The following ARSB variants were observed in gnomAD, a reference collection of about 807,000 sequenced individuals.
ARSB encodes the protein arylsulfatase B.
A neutral mutation model predicts 50.9 loss-of-function variants in ARSB; 41 were observed. That is an observed-to-expected ratio of 0.81 (90% CI 0.63 to 1.04). ARSB has a LOEUF of 1.04. Ranked by LOEUF, ARSB falls within the 50% of genes least tolerant of loss-of-function variation. The pLI, the probability that ARSB is intolerant of heterozygous loss-of-function variation, is 0.00. For synonymous variants in ARSB, 269 were observed against 284.8 expected (o/e 0.94, Z 0.56); for missense variants, 672 against 693.3 (o/e 0.97, Z 0.35).
At chr5:78,889,971 A>C (rs765650385) in intron 4 of ARSB, among the ~76,000 whole-genome samples, 6 of 152,220 alleles carry the variant, frequency 3.9e-5, no homozygotes, top group Non-Finnish European at 7.3e-5. Context: ...AAGCCTGGAC[A>C]TCTCTTTGAA....
intron 6 of ARSB, among the ~76,000 whole-genome samples, chr5:78,813,949 A>G (rs548598386): frequency 2.0e-5 from 3 of 152,360 alleles, no homozygotes; most frequent in Admixed American, 6.5e-5. Flanking sequence ...TGAGTGAAAG[A>G]AAAAGAACTA....
intron 6 of ARSB, among the ~76,000 whole-genome samples, chr5:78,819,575 C>T (rs932289703): frequency 2.0e-5 from 3 of 152,260 alleles, no homozygotes; most frequent in South Asian, 2.1e-4. Flanking sequence ...AATCACTCAG[C>T]ACACTTCAAA....
intron 4 of ARSB, among the ~76,000 whole-genome samples, chr5:78,948,300 T>C (rs1429214151): frequency 6.6e-6 from 1 of 152,200 alleles, no homozygotes; most frequent in Non-Finnish European, 1.5e-5. Flanking sequence ...TTAATTGGAA[T>C]GTTGGTAACA....
chr5:78,832,480 A>G (rs1363550922), intron 6 of ARSB, among the ~76,000 whole-genome samples: 2 of 152,166 alleles, frequency 1.3e-5, no homozygotes, highest in East Asian at 3.8e-4. Context: ...CCAGGCCATC[A>G]TCGTTTATTT....
intron 5 of ARSB, among the ~76,000 whole-genome samples, chr5:78,852,929 T>A (rs1745907730): frequency 6.6e-6 from 1 of 152,236 alleles, no homozygotes; most frequent in South Asian, 2.1e-4. Flanking sequence ...AGCACTTCTC[T>A]GTATTGGTTA....
At chr5:78,826,269 AC>A (rs918580697) in intron 6 of ARSB, among the ~76,000 whole-genome samples, 2 of 151,774 alleles carry the variant, frequency 1.3e-5, no homozygotes, top group Non-Finnish European at 1.5e-5. Context: ...CTGGTCTTAA[AC>A]CCCTGACCTT....
intron 7 of ARSB, among the ~76,000 whole-genome samples, chr5:78,781,357 C>T (rs1358995614): frequency 2.1e-5 from 2 of 97,528 alleles, no homozygotes; most frequent in Non-Finnish European, 1.8e-5. Flanking sequence ...TTGGTTAGGA[C>T]GAGTAGGTTA....
Position 78,985,129 on chromosome 5 carries a change from C to A in ARSB, c.120G>T (p.Gly40=), listed in dbSNP as rs1200003501. The change falls in exon 1 of 8, where the codon GGG becomes GGT. Residue 40 remains glycine (G), a synonymous_variant. Coordinates refer to ENST00000264914, the MANE Select transcript of ARSB (RefSeq NM_000046.5). The stretch of plus-strand genomic sequence containing the variant: ...AGACCAGGTGGGGCGGCCGGCTGGC[C>A]CCGGCGCCCGAGCCCGGCGGCGCCA... ...LLLAPPGSGA[G]ASRPPHLVFL... The A allele has an allele frequency of 1.4e-6, 2 of 1,471,554 alleles. No homozygotes were observed. Among genetic ancestry groups the A allele is most frequent in the Non-Finnish European group, 1.8e-6 (2 of 1,110,334 alleles). The allele number at this position is 1,471,554 out of a possible 1,614,324, so 91.2% of individuals were successfully genotyped here. A position where few individuals can be genotyped will look rare whatever the true frequency, so the allele number is the denominator to read the frequency against.
chr5:78,952,227 C>T lies in ARSB; in HGVS notation c.898+3068G>A, dbSNP rs371721661. Among the ~76,000 whole-genome samples, 16 of 152,238 alleles carry T rather than the reference C, an allele frequency of 1.1e-4. No individual in the cohort carries two copies. The East Asian group carries it at 1.5e-3, about 15-fold the overall frequency. ...CTGTTTGAAAGTACAATTATACATACACATTTGCAATCATATAATAAAGGA... is the reference window on the plus strand; with the variant it reads ...CTGTTTGAAAGTACAATTATACATATACATTTGCAATCATATAATAAAGGA... On this transcript the variant is annotated intron_variant, in intron 4 of 7. Coordinates refer to ENST00000264914, the MANE Select transcript of ARSB (RefSeq NM_000046.5).
At chr5:78,827,303 G>A (rs748110531) in intron 6 of ARSB, among the ~76,000 whole-genome samples, 6 of 152,022 alleles carry the variant, frequency 3.9e-5, no homozygotes, top group East Asian at 3.9e-4. Context: ...CTGCCTCCCC[G>A]GTTCAAGCAA....
At chr5:78,940,708 T>A (rs1750871946) in intron 4 of ARSB, among the ~76,000 whole-genome samples, 1 of 152,226 alleles carries the variant, frequency 6.6e-6, no homozygotes, top group African/African-American at 2.4e-5. Context: ...TAGTTTGAAG[T>A]CAGGTAGTGT....
At chr5:78,879,929 C>G (rs1384779514) in intron 5 of ARSB, among the ~76,000 whole-genome samples, 3 of 151,532 alleles carry the variant, frequency 2.0e-5, no homozygotes, top group African/African-American at 7.3e-5. Context: ...TTCCAGAAAA[C>G]AAGTCTTGAA....
intron 6 of ARSB, among the ~76,000 whole-genome samples, chr5:78,783,143 A>G (rs186842549): frequency 6.6e-6 from 1 of 152,266 alleles, no homozygotes; most frequent in Admixed American, 6.5e-5. Context: ...AGCTTTTCAA[A>G]TATGGTCACA....
At chr5:78,972,544 C>CACACACACACACACACA (rs1554088554) in intron 1 of ARSB, among the ~76,000 whole-genome samples, 2 of 147,520 alleles carry the variant, frequency 1.4e-5, no homozygotes, top group African/African-American at 5.2e-5. Context: ...CACACACACA[C>CACACACACACACACACA]CCCAAATCAA....
chr5:78,975,523 C>G (rs1752627215), intron 1 of ARSB, among the ~76,000 whole-genome samples: 2 of 152,148 alleles, frequency 1.3e-5, no homozygotes, highest in African/African-American at 4.8e-5. Context: ...TTCATTGCTT[C>G]TATTCTGTGC....
At position 78,780,318 on chromosome 5, in the gene ARSB, T is replaced by A; in HGVS notation, c.*79A>T. 6.2e-7 allele frequency: 1 copy of A among 1,602,246 alleles called. No homozygotes were observed. The highest frequency in any genetic ancestry group is 8.5e-7 in the Non-Finnish European group (1 of 1,172,502). On this transcript the variant is annotated 3_prime_UTR_variant, in exon 8 of 8. Transcript: ENST00000264914. ...AGGGCCAAGTGAACCCAGGTTGGGATAACAAATGAGACAAGAGTCGTGAGA... is the reference window on the plus strand; with the variant it reads ...AGGGCCAAGTGAACCCAGGTTGGGAAAACAAATGAGACAAGAGTCGTGAGA...
intron 4 of ARSB, among the ~76,000 whole-genome samples, chr5:78,913,757 A>C (rs1749416462): frequency 6.6e-6 from 1 of 152,016 alleles, no homozygotes; most frequent in Non-Finnish European, 1.5e-5. Flanking sequence ...AAGGTACCCA[A>C]GATTTCAGCT....
intron 6 of ARSB, 105 bp downstream of exon 6, chr5:78,839,251 G>T: frequency 9.0e-7 from 1 of 1,105,104 alleles, no homozygotes; most frequent in Non-Finnish European, 1.4e-6. Flanking sequence ...TACCTTTATA[G>T]CAACTCAGGA....
At chr5:78,931,473 A>G (rs548625817) in intron 4 of ARSB, among the ~76,000 whole-genome samples, 37 of 152,058 alleles carry the variant, frequency 2.4e-4, no homozygotes, top group African/African-American at 8.7e-4. Flanking sequence ...CATATTCCTC[A>G]CTTAGTGCCC....
Sources: allele counts gnomAD v4.1 joint callset (sites outside exome capture counted in the v4.1 genomes callset), GRCh38; gene constraint gnomAD v4.1.1; transcripts MANE v1.5; gene names NCBI Gene and HGNC (gene_info 2026-07-23, HGNC 2026-07-21).